DNM3: variants seen among roughly 807,000 people sequenced by gnomAD.
The protein encoded by DNM3 is dynamin 3.
DNM3 carries 47 observed loss-of-function variants against 101.6 expected under a neutral mutation model. That is an observed-to-expected ratio of 0.46 (90% CI 0.37 to 0.59). The LOEUF is 0.59. Among genes scored for constraint, DNM3 ranks in the 20% least tolerant of loss-of-function variants. The pLI, the probability that DNM3 is intolerant of heterozygous loss-of-function variation, is 0.00. For synonymous variants in DNM3, 385 were observed against 387.9 expected, an observed-to-expected ratio of 0.99 and a Z score of 0.09; for missense variants, 849 against 1,085.7, an observed-to-expected ratio of 0.78 and a Z score of 3.06.
intron 17 of DNM3, among the ~76,000 whole-genome samples, chr1:172,356,375 T>A (rs752186563): frequency 6.6e-6 from 1 of 152,160 alleles, no homozygotes; most frequent in Non-Finnish European, 1.5e-5. Context: ...TACATTGCCA[T>A]GTAGAAGTTT....
At chr1:172,404,099 T>C (rs1285948080) in intron 20 of DNM3, among the ~76,000 whole-genome samples, 1 of 152,140 alleles carries the variant, frequency 6.6e-6, no homozygotes, top group Non-Finnish European at 1.5e-5. Context: ...AATGTTTATT[T>C]CTTCTGCAAG....
At chr1:172,216,939 A>G (rs2060722254) in intron 14 of DNM3, among the ~76,000 whole-genome samples, 1 of 152,160 alleles carries the variant, frequency 6.6e-6, no homozygotes, top group African/African-American at 2.4e-5. Context: ...GATTCTGGAA[A>G]TGACACTAAA....
intron 4 of DNM3, among the ~76,000 whole-genome samples, chr1:172,017,075 C>A (rs957744505): frequency 6.6e-6 from 1 of 152,082 alleles, no homozygotes; most frequent in Non-Finnish European, 1.5e-5. Context: ...ATTCATGAGA[C>A]CTGTAGTCAT....
intron 4 of DNM3, among the ~76,000 whole-genome samples, chr1:172,016,483 C>A (rs1262681760): frequency 6.6e-6 from 1 of 152,220 alleles, no homozygotes; most frequent in Non-Finnish European, 1.5e-5. Context: ...ATAAATCCCA[C>A]TACATTGTTG....
Position 171,912,259 on chromosome 1 carries a change from T to C in DNM3, c.162-9489T>C, listed in dbSNP as rs141214287. On this transcript the variant is annotated intron_variant, in intron 1 of 20. Coordinates refer to ENST00000627582, the MANE Select transcript of DNM3 (RefSeq NM_015569.5). Reference sequence around the variant, plus strand: ...GACAAAAAGAGTCTTACTCTTTTTATGTTTAAAGCGCAGGTGTATGTAGAG... The same window carrying C: ...GACAAAAAGAGTCTTACTCTTTTTACGTTTAAAGCGCAGGTGTATGTAGAG... 3.5e-3 allele frequency among the ~76,000 whole-genome samples: 538 copies of C among 152,310 alleles called. 5 individuals are homozygous for C. Among genetic ancestry groups the C allele is most frequent in the African/African-American group, 0.012 (494 of 41,566 alleles).
intron 20 of DNM3, among the ~76,000 whole-genome samples, chr1:172,392,503 C>T (rs925251885): frequency 2.0e-5 from 3 of 152,170 alleles, no homozygotes; most frequent in African/African-American, 4.8e-5. Context: ...AATTGAAGAT[C>T]CTGATCTTCA....
At chr1:172,287,274 A>G (rs2063736747) in intron 15 of DNM3, among the ~76,000 whole-genome samples, 1 of 152,192 alleles carries the variant, frequency 6.6e-6, no homozygotes, top group African/African-American at 2.4e-5. Flanking sequence ...TAAACATCCT[A>G]TATTGTGAGA....
At chr1:172,349,544 AGTT>A (rs1195803254) in intron 17 of DNM3, among the ~76,000 whole-genome samples, 1 of 152,178 alleles carries the variant, frequency 6.6e-6, no homozygotes, top group African/African-American at 2.4e-5. Context: ...TCTTGGACCT[AGTT>A]ATTATTAATT....
chr1:171,883,515 A>C (rs186545179), intron 1 of DNM3, among the ~76,000 whole-genome samples: 9 of 151,334 alleles, frequency 5.9e-5, no homozygotes, highest in African/African-American at 2.2e-4. Context: ...TCTGTTGCTA[A>C]GGCTGGAGTG....
intron 4 of DNM3, among the ~76,000 whole-genome samples, chr1:171,999,243 T>A (rs1182678664): frequency 6.6e-6 from 1 of 152,028 alleles, no homozygotes; most frequent in African/African-American, 2.4e-5. Context: ...AGGGAAGAAG[T>A]TGTCTGATTC....
chr1:172,053,091 T>C (rs563456824), intron 10 of DNM3, among the ~76,000 whole-genome samples: 52 of 152,316 alleles, frequency 3.4e-4, no homozygotes, highest in Middle Eastern at 3.4e-3. Context: ...CTCAAAATTA[T>C]TCAACGACTC....
At chr1:171,912,740 G>T (rs544898792) in intron 1 of DNM3, among the ~76,000 whole-genome samples, 1 of 152,158 alleles carries the variant, frequency 6.6e-6, no homozygotes. Flanking sequence ...ATTTGCAAGG[G>T]AGGCTGGGAA....
chr1:171,861,725 A>C (rs1412430433), intron 1 of DNM3, among the ~76,000 whole-genome samples: 1 of 152,184 alleles, frequency 6.6e-6, no homozygotes, highest in Non-Finnish European at 1.5e-5. Flanking sequence ...TGACAAAATA[A>C]AAAATAGTTA....
rs371263885 is a variant in DNM3 at position 172,056,028 on chromosome 1, C to T, written c.1335+7278C>T. ...AGCAGGGTGAAGCATTGCCTCACTC[C>T]GGAAGTGCAAGGGGTCAGGGAGTTC... On this transcript the variant is annotated intron_variant, in intron 10 of 20. Transcript: ENST00000627582. Among the ~76,000 whole-genome samples the T allele has an allele frequency of 2.0e-4, 30 of 152,244 alleles. No individual in the cohort carries two copies. The East Asian group carries it at 3.7e-3, about 19-fold the overall frequency.
intron 1 of DNM3, among the ~76,000 whole-genome samples, chr1:171,868,857 C>T (rs2035009764): frequency 6.6e-6 from 1 of 152,002 alleles, no homozygotes; most frequent in Non-Finnish European, 1.5e-5. Flanking sequence ...AATCTTGGCT[C>T]ACTGCAACAT....
intron 4 of DNM3, among the ~76,000 whole-genome samples, chr1:172,010,429 C>G (rs2047030194): frequency 6.6e-6 from 1 of 151,152 alleles, no homozygotes; most frequent in South Asian, 2.1e-4. Flanking sequence ...AAAGTTATTG[C>G]CTTTATTTTT....
intron 16 of DNM3, among the ~76,000 whole-genome samples, chr1:172,316,781 A>T (rs373330879): frequency 6.6e-6 from 1 of 152,096 alleles, no homozygotes; most frequent in Non-Finnish European, 1.5e-5. Context: ...CTCCCACACA[A>T]TAATAATGGG....
At chr1:172,301,975 TG>T (rs1277600135) in intron 15 of DNM3, among the ~76,000 whole-genome samples, 1 of 152,156 alleles carries the variant, frequency 6.6e-6, no homozygotes, top group Non-Finnish European at 1.5e-5. Flanking sequence ...ACTCAGAAGA[TG>T]GGTGATTTCT....
chr1:172,347,182 G>A (rs115818672), intron 17 of DNM3, among the ~76,000 whole-genome samples: 1,406 of 133,272 alleles, frequency 0.011, 31 homozygotes, highest in African/African-American at 0.043. Context: ...ACCCTCAGAG[G>A]AACTAGCAGA....
Sources: allele counts gnomAD v4.1 joint callset (sites outside exome capture counted in the v4.1 genomes callset), GRCh38; gene constraint gnomAD v4.1.1; transcripts MANE v1.5; gene names NCBI Gene and HGNC (gene_info 2026-07-23, HGNC 2026-07-21).